The following IRAK3 variants were observed in gnomAD, a reference collection of about 807,000 sequenced individuals.
IRAK3 encodes the protein interleukin 1 receptor associated kinase 3.
Under a neutral mutation model 56.6 loss-of-function variants are expected in IRAK3, and 57 were observed. That is an observed-to-expected ratio of 1.01 (90% CI 0.81 to 1.26). The LOEUF (loss-of-function observed/expected upper bound fraction) is 1.26. Ranked by LOEUF, IRAK3 falls within the 50% of genes most tolerant of loss-of-function variation. The probability of loss-of-function intolerance (pLI) is 0.00; values close to 1 mark genes in which losing one functional copy is unlikely to be tolerated. For missense variants in IRAK3, 703 were observed against 719.0 expected (o/e 0.98, Z 0.25); for synonymous variants, 258 against 255.7 (o/e 1.01, Z -0.09).
intron 1 of IRAK3, chr12:66,197,389 T>C: frequency 2.0e-6 from 2 of 991,138 alleles, no homozygotes; most frequent in Non-Finnish European, 2.4e-6. Context: ...GTAATTAACA[T>C]GTTGAGAGTT....
chr12:66,223,004 T>A (rs2052750339), intron 6 of IRAK3, among the ~76,000 whole-genome samples: 1 of 150,248 alleles, frequency 6.7e-6, no homozygotes, highest in South Asian at 2.1e-4. Context: ...AAAATTACAG[T>A]CAAAGGGGGG....
At chr12:66,213,211 A>T (rs1351156207) in intron 5 of IRAK3, among the ~76,000 whole-genome samples, 1 of 152,116 alleles carries the variant, frequency 6.6e-6, no homozygotes, top group African/African-American at 2.4e-5. Flanking sequence ...AAACCATCAG[A>T]TCTTGTGAGA....
chr12:66,234,653 G>T (rs1381004748), intron 8 of IRAK3: 1 of 1,611,062 alleles, frequency 6.2e-7, no homozygotes, highest in Non-Finnish European at 8.5e-7. Flanking sequence ...TTCTGTGGGG[G>T]CAGAAACTCC....
chr12:66,195,995 TC>T (rs1286968816), intron 1 of IRAK3, among the ~76,000 whole-genome samples: 2 of 148,482 alleles, frequency 1.3e-5, no homozygotes, highest in Non-Finnish European at 3.0e-5. Context: ...CCCCCACCAC[TC>T]TCTTATGCCT....
intron 6 of IRAK3, among the ~76,000 whole-genome samples, chr12:66,218,646 CAAAT>C (rs1194234456): frequency 6.6e-6 from 1 of 152,032 alleles, no homozygotes; most frequent in African/African-American, 2.4e-5. Flanking sequence ...ATTTAATTGA[CAAAT>C]AAAAATTGTA....
At position 66,252,672 on chromosome 12, in the gene IRAK3, A is replaced by G. The variant is rs1143957; in HGVS notation, c.*4501A>G. ...CACTGCCCTCATGGAGCTTATATGT[A>G]AGTGAATAAATCTCAGGGTGGTTCT... is the stretch of plus-strand genomic sequence containing the variant. On this transcript the variant is annotated 3_prime_UTR_variant, in exon 12 of 12. Transcript: ENST00000261233. 0.98 allele frequency: 149,000 copies of G among 152,310 alleles called. 72,968 individuals carry two copies. Among genetic ancestry groups the G allele is most frequent in the Middle Eastern group, 1 (294 of 294 alleles). The allele number at this position is 152,310 out of a possible 1,614,324, so 9.4% of individuals were successfully genotyped here.
rs1204339588 is a variant in IRAK3 at position 66,252,442 on chromosome 12, A to G, written c.*4271A>G. On this transcript the variant is annotated 3_prime_UTR_variant, in exon 12 of 12. Coordinates refer to ENST00000261233, the MANE Select transcript of IRAK3 (RefSeq NM_007199.3). ...TTGATTCCACAGATTTTTAGTAGGT[A>G]CCATGTCTCCTGCCTTTATCACTAT... 6.6e-6 allele frequency: 1 copy of G among 152,228 alleles called. No homozygotes were observed. Among genetic ancestry groups the G allele is most frequent in the Non-Finnish European group, 1.5e-5 (1 of 68,038 alleles). 9.4% of individuals were successfully genotyped at this position (152,228 alleles called of 1,614,324 possible). A position where few individuals can be genotyped will look rare whatever the true frequency, so the allele number is the denominator to read the frequency against.
intron 8 of IRAK3, chr12:66,234,403 A>T (rs902947649): frequency 6.2e-7 from 1 of 1,610,652 alleles, no homozygotes; most frequent in Non-Finnish European, 8.5e-7. Context: ...CCTGGTAGGC[A>T]GATACAGGAG....
rs774481333 is a variant in IRAK3 at position 66,245,300 on chromosome 12, C to T, written c.1314+38C>T. ...ATGGTTTTATTCAAAACTGAGCCCA[C>T]AGAACCATGGAAAATCTAAACTAGA... is the stretch of plus-strand genomic sequence containing the variant. On this transcript the variant is annotated intron_variant, in intron 11 of 11. Coordinates refer to ENST00000261233, the MANE Select transcript of IRAK3 (RefSeq NM_007199.3). 3 of 1,600,404 alleles carry T rather than the reference C, an allele frequency of 1.9e-6. No homozygotes were observed. In the South Asian group the frequency reaches 3.3e-5, roughly 18 times the overall value.
chr12:66,199,174 A>C (rs1053568117), intron 1 of IRAK3, among the ~76,000 whole-genome samples: 1 of 152,202 alleles, frequency 6.6e-6, no homozygotes, highest in Non-Finnish European at 1.5e-5. Context: ...TTTTAAAGAT[A>C]AGAGGTGTTA....
chr12:66,222,240 A>C (rs1181303584), intron 6 of IRAK3, among the ~76,000 whole-genome samples: 1 of 152,214 alleles, frequency 6.6e-6, no homozygotes, highest in Non-Finnish European at 1.5e-5. Flanking sequence ...AGATTTTGAC[A>C]GGGATTAGTA....
rs1171356638 is a variant in IRAK3 at position 66,203,957 on chromosome 12, A to G, written c.316+64A>G. Reference sequence around the variant, plus strand: ...ATAGGAACTGTAATTTGTAAATTCGAATATTGCATTTTATCCAAGACATTG... The same window carrying G: ...ATAGGAACTGTAATTTGTAAATTCGGATATTGCATTTTATCCAAGACATTG... On this transcript the variant is annotated intron_variant, in intron 2 of 11. Coordinates refer to ENST00000261233, the MANE Select transcript of IRAK3 (RefSeq NM_007199.3). The G allele has an allele frequency of 4.4e-6, 6 of 1,373,192 alleles. No homozygotes were observed. The East Asian group carries it at 1.1e-4, about 26-fold the overall frequency. 85.1% of individuals were successfully genotyped at this position (1,373,192 alleles called of 1,614,324 possible). A position where few individuals can be genotyped will look rare whatever the true frequency, so the allele number is the denominator to read the frequency against.
chr12:66,197,594 A>G (rs1485942943), intron 1 of IRAK3: 2 of 985,342 alleles, frequency 2.0e-6, no homozygotes, highest in East Asian at 1.1e-4. Context: ...CCAGTCCGGA[A>G]GCAATCCATG....
intron 3 of IRAK3, 92 bp from the exon 4 acceptor site, chr12:66,210,055 A>T (rs2052596565): frequency 1.2e-6 from 1 of 828,424 alleles, no homozygotes; most frequent in African/African-American, 1.7e-5. Context: ...GTTGCACTGC[A>T]TAGTCCCCAG....
chr12:66,196,878 A>G, intron 1 of IRAK3: 1 of 1,510,296 alleles, frequency 6.6e-7, no homozygotes, highest in East Asian at 2.5e-5. Flanking sequence ...TTTCCCTTAC[A>G]GTGTCTAAAA....
At position 66,245,160 on chromosome 12, in the gene IRAK3, T is replaced by C. The variant is rs755185853; in HGVS notation, c.1212T>C (p.Asp404=). ...TGGATTCATGTCTCTCATTTCTAGA[T>C]AAGAAAGTGCCTCCCTGCCCTCGGA... ...RGLDSCLSFL[D]KKVPPCPRNF... Residue 404 remains aspartate (D), a synonymous_variant, in exon 11 of 12, where the codon GAT becomes GAC. Coordinates refer to ENST00000261233, the MANE Select transcript of IRAK3 (RefSeq NM_007199.3). The C allele has an allele frequency of 6.2e-7, 1 of 1,614,162 alleles. No individual in the cohort carries two copies. Among genetic ancestry groups the C allele is most frequent in the South Asian group, 1.1e-5 (1 of 91,080 alleles).
chr12:66,189,354 G>T lies in IRAK3; in HGVS notation c.55G>T (p.Asp19Tyr). The T allele has an allele frequency of 6.5e-7, 1 of 1,531,662 alleles. No homozygotes were observed. The allele number at this position is 1,531,662 out of a possible 1,614,324, so 94.9% of individuals were successfully genotyped here. A position where few individuals can be genotyped will look rare whatever the true frequency, so the allele number is the denominator to read the frequency against. Residue 19 changes from aspartate (D) to tyrosine (Y), a missense_variant, in exon 1 of 12, where the codon GAC becomes TAC. Physicochemically the swap from Asp to Tyr is radical, Grantham distance 160. Coordinates refer to ENST00000261233, the MANE Select transcript of IRAK3 (RefSeq NM_007199.3). ...GCTGTCGGCGCACACGCTGCTGTTC[G>T]ACCTGCCGCCCGCGCTGCTCGGAGA... ...GALSAHTLLF[D>Y]LPPALLGELC... is the part of the protein sequence containing the mutation.
chr12:66,215,788 A>ACGTGCACGTGCGCGCACGCGCG (rs375264640), intron 5 of IRAK3, among the ~76,000 whole-genome samples: 1 of 131,612 alleles, frequency 7.6e-6, no homozygotes, highest in Non-Finnish European at 1.7e-5. Context: ...CCCAACATGC[A>ACGTGCACGTGCGCGCACGCGCG]CACACACACA....
rs945783538 is a variant in IRAK3 at position 66,248,290 on chromosome 12, G to A, written c.*119G>A. 5.5e-6 allele frequency: 4 copies of A among 721,990 alleles called. No homozygotes were observed. Among genetic ancestry groups the A allele is most frequent in the African/African-American group, 1.8e-5 (1 of 56,652 alleles). 44.7% of individuals were successfully genotyped at this position (721,990 alleles called of 1,614,324 possible). On this transcript the variant is annotated 3_prime_UTR_variant, in exon 12 of 12. Transcript: ENST00000261233. Reference sequence around the variant, plus strand: ...AAGAGAATGATCAATAGTGAGTTTGGGTGATGCAGATAAACAATCTGGATA... The same window carrying A: ...AAGAGAATGATCAATAGTGAGTTTGAGTGATGCAGATAAACAATCTGGATA...
Sources: gnomAD v4.1 joint callset for allele counts (sites outside exome capture counted in the v4.1 genomes callset) on GRCh38, gnomAD v4.1.1 for gene constraint, MANE v1.5 for transcripts, NCBI Gene and HGNC (gene_info 2026-07-23, HGNC 2026-07-21) for gene names.